The following NFIA variants were observed in gnomAD, a reference collection of about 807,000 sequenced individuals.
NFIA encodes nuclear factor 1 A-type.
Under a neutral mutation model 62.8 loss-of-function variants are expected in NFIA, and 8 were observed. The ratio of observed to expected loss-of-function variants is 0.13; its 90% CI spans 0.07 to 0.23. NFIA has a LOEUF of 0.23. NFIA is among the 10% of genes least tolerant of loss of function. NFIA has a pLI of 1.00. For synonymous variants in NFIA, 235 were observed against 238.1 expected (o/e 0.99, Z 0.12); for missense variants, 410 against 642.1 (o/e 0.64, Z 3.91).
intron 3 of NFIA, among the ~76,000 whole-genome samples, chr1:61,287,407 C>T (rs769841176): frequency 2.0e-5 from 3 of 152,130 alleles, no homozygotes; most frequent in African/African-American, 2.4e-5. Context: ...AAATGGAGGT[C>T]GAAATCTGTG....
At chr1:61,359,102 G>A (rs1294843070) in intron 5 of NFIA, 45 bp from the exon 6 acceptor site, 2 of 1,603,894 alleles carry the variant, frequency 1.2e-6, no homozygotes, top group Admixed American at 1.7e-5. Context: ...CCAAGAGAAA[G>A]GTGGTTGCGA....
At chr1:61,257,822 A>G (rs913902205) in intron 2 of NFIA, among the ~76,000 whole-genome samples, 6 of 148,748 alleles carry the variant, frequency 4.0e-5, no homozygotes, top group Non-Finnish European at 7.4e-5. Context: ...TGATCCTCTC[A>G]TCTCAGCCTC....
chr1:61,104,289 A>G (rs1646559068), intron 2 of NFIA, among the ~76,000 whole-genome samples: 1 of 151,978 alleles, frequency 6.6e-6, no homozygotes, highest in African/African-American at 2.4e-5. Context: ...TCTCTTGAGC[A>G]TTTGTACGTT....
intron 2 of NFIA, among the ~76,000 whole-genome samples, chr1:61,184,342 A>G (rs1650998583): frequency 6.6e-6 from 1 of 152,218 alleles, no homozygotes. Context: ...GTGACATGCC[A>G]CGAGGGCACG....
chr1:61,204,496 TA>T (rs958224568), intron 2 of NFIA, among the ~76,000 whole-genome samples: 24 of 152,186 alleles, frequency 1.6e-4, no homozygotes, highest in Non-Finnish European at 1.0e-4. Flanking sequence ...TTTTTTATTT[TA>T]TTTTTTTTAA....
At chr1:61,415,646 CA>C (rs1242574251) in intron 9 of NFIA, among the ~76,000 whole-genome samples, 1 of 152,020 alleles carries the variant, frequency 6.6e-6, no homozygotes, top group African/African-American at 2.4e-5. Context: ...TGTCTTAACA[CA>C]ATATTGGTAA....
chr1:61,453,666 T>C (rs954809332), intron 10 of NFIA, among the ~76,000 whole-genome samples: 1 of 152,054 alleles, frequency 6.6e-6, no homozygotes, highest in Non-Finnish European at 1.5e-5. Context: ...AAAACAGAAA[T>C]AGTAAGCATT....
At chr1:61,446,493 G>A (rs1250637342) in intron 10 of NFIA, among the ~76,000 whole-genome samples, 1 of 152,118 alleles carries the variant, frequency 6.6e-6, no homozygotes, top group African/African-American at 2.4e-5. Flanking sequence ...GATAGAGAAT[G>A]GAACTAGAAA....
At chr1:61,158,177 T>G (rs1195138856) in intron 2 of NFIA, among the ~76,000 whole-genome samples, 4 of 152,198 alleles carry the variant, frequency 2.6e-5, no homozygotes, top group Non-Finnish European at 5.9e-5. Context: ...TCTTTGAAAA[T>G]AATAGGATTA....
intron 2 of NFIA, among the ~76,000 whole-genome samples, chr1:61,203,185 T>C (rs1295128023): frequency 6.6e-6 from 1 of 152,186 alleles, no homozygotes; most frequent in Non-Finnish European, 1.5e-5. Context: ...TGGTTTCACT[T>C]TTCTCCATGA....
intron 9 of NFIA, among the ~76,000 whole-genome samples, chr1:61,417,820 C>G (rs1313587619): frequency 6.6e-6 from 1 of 152,088 alleles, no homozygotes; most frequent in Non-Finnish European, 1.5e-5. Context: ...AGGGATTTCC[C>G]ATCCTATTTG....
At chr1:61,117,658 G>A (rs1442220728) in intron 2 of NFIA, among the ~76,000 whole-genome samples, 4 of 152,088 alleles carry the variant, frequency 2.6e-5, no homozygotes, top group Non-Finnish European at 5.9e-5. Context: ...CAAGGTTATC[G>A]TATATTTCAC....
chr1:61,283,130 A>C (rs1658239322), intron 3 of NFIA, among the ~76,000 whole-genome samples: 1 of 152,234 alleles, frequency 6.6e-6, no homozygotes, highest in African/African-American at 2.4e-5. Flanking sequence ...TTGTTAAAAG[A>C]GGTATCATTG....
At chr1:61,241,278 G>A (rs778338163) in intron 2 of NFIA, among the ~76,000 whole-genome samples, 1 of 151,980 alleles carries the variant, frequency 6.6e-6, no homozygotes, top group African/African-American at 2.4e-5. Flanking sequence ...ACTAACTGGT[G>A]CCCCTCTGAC....
At chr1:61,137,614 A>G (rs1014353892) in intron 2 of NFIA, among the ~76,000 whole-genome samples, 7 of 152,112 alleles carry the variant, frequency 4.6e-5, no homozygotes, top group African/African-American at 1.7e-4. Context: ...TTGGCTGCCC[A>G]TTTAGAATCA....
intron 10 of NFIA, among the ~76,000 whole-genome samples, chr1:61,442,918 G>A (rs1667650856): frequency 6.6e-6 from 1 of 152,160 alleles, no homozygotes; most frequent in Admixed American, 6.5e-5. Flanking sequence ...TCTGCAGAAC[G>A]TCATCTAAAT....
chr1:61,124,019 AG>A (rs1646929912), intron 2 of NFIA, among the ~76,000 whole-genome samples: 2 of 152,228 alleles, frequency 1.3e-5, no homozygotes, highest in African/African-American at 4.8e-5. Context: ...CTCCTCCTAG[AG>A]GAAGAGTTGC....
intron 7 of NFIA, among the ~76,000 whole-genome samples, chr1:61,386,940 C>T (rs1664720870): frequency 6.6e-6 from 1 of 152,188 alleles, no homozygotes; most frequent in Admixed American, 6.5e-5. Context: ...TAGATGGCAT[C>T]TTCTTGCTGT....
chr1:61,425,488 T>A (rs1666824632), intron 9 of NFIA, among the ~76,000 whole-genome samples: 4 of 152,220 alleles, frequency 2.6e-5, no homozygotes, highest in African/African-American at 9.7e-5. Context: ...TTAAAAACCT[T>A]AGGCCTTTTT....
Sources: allele counts gnomAD v4.1 joint callset (sites outside exome capture counted in the v4.1 genomes callset), GRCh38; gene constraint gnomAD v4.1.1; transcripts MANE v1.5; gene names NCBI Gene and HGNC (gene_info 2026-07-23, HGNC 2026-07-21).